Variants in SLC37A1 observed in about 807,000 individuals in gnomAD.
SLC37A1 encodes the protein solute carrier family 37 member 1.
In SLC37A1, 49 loss-of-function variants were observed where a neutral mutation model predicts 75.3. That is an observed-to-expected ratio of 0.65 (90% CI 0.52 to 0.83). SLC37A1 has a LOEUF of 0.83. SLC37A1 is among the 40% of genes least tolerant of loss of function. The pLI is 0.00. For synonymous variants in SLC37A1, 268 were observed against 292.1 expected (o/e 0.92, Z 0.84); for missense variants, 566 against 695.0 (o/e 0.81, Z 2.09).
chr21:42,509,830 T>C (rs2146682839), upstream of SLC37A1, among the ~76,000 whole-genome samples: 1 of 152,332 alleles, frequency 6.6e-6, no homozygotes, highest in South Asian at 2.1e-4. The surrounding 1 kb of genome is among the most constrained non-coding windows in gnomAD (Gnocchi z 4.2). Flanking sequence ...TTCCCTTTTC[T>C]TTCTCTCTAA....
intron 1 of SLC37A1, among the ~76,000 whole-genome samples, chr21:42,517,958 A>G (rs1464240629): frequency 1.3e-5 from 2 of 152,172 alleles, no homozygotes; most frequent in Non-Finnish European, 2.9e-5. Flanking sequence ...CTGGACACAT[A>G]CTTGGTTTTG....
At chr21:42,564,217 T>C (rs1296683318) in intron 13 of SLC37A1, among the ~76,000 whole-genome samples, 3 of 18,572 alleles carry the variant, frequency 1.6e-4, no homozygotes, top group Admixed American at 7.3e-4. Flanking sequence ...ACAAGACCCC[T>C]CTCTACAAAA....
intron 10 of SLC37A1, among the ~76,000 whole-genome samples, chr21:42,554,982 G>GGTTTTTTTTTTTTTTTTTTT (rs368777229): frequency 8.6e-6 from 1 of 116,598 alleles, no homozygotes; most frequent in Non-Finnish European, 1.8e-5. Context: ...TTGGTTGGTT[G>GGTTTTTTTTTTTTTTTTTTT]TTTTTTTTTT....
At chr21:42,563,014 G>T (rs560297797) in intron 12 of SLC37A1, among the ~76,000 whole-genome samples, 19 of 152,284 alleles carry the variant, frequency 1.2e-4, no homozygotes, top group African/African-American at 4.6e-4. Context: ...AATACCCTGG[G>T]AGGGAAGTTG....
chr21:42,557,376 T>C (rs972867855), intron 10 of SLC37A1, among the ~76,000 whole-genome samples: 1 of 152,280 alleles, frequency 6.6e-6, no homozygotes, highest in Non-Finnish European at 1.5e-5. Context: ...ATTACTGATG[T>C]AGTTTTCTAA....
intron 17 of SLC37A1, among the ~76,000 whole-genome samples, chr21:42,570,013 G>T (rs1163903539): frequency 6.6e-6 from 1 of 151,298 alleles, no homozygotes; most frequent in South Asian, 2.1e-4. Context: ...GGGCAGGGTG[G>T]CCGTTGCCAT....
At position 42,580,549 on chromosome 21, in the gene SLC37A1, C is replaced by A; in HGVS notation, c.*189C>A. 1 of 634,060 alleles carries A rather than the reference C, an allele frequency of 1.6e-6. No homozygotes were observed. The highest frequency in any genetic ancestry group is 2.7e-6 in the Non-Finnish European group (1 of 371,842). The allele number at this position is 634,060 out of a possible 1,614,324, so 39.3% of individuals were successfully genotyped here. A position where few individuals can be genotyped will look rare whatever the true frequency, so the allele number is the denominator to read the frequency against. ...ATTTTAAAGGAGACATATTGCTGAA[C>A]AGCAGTGAGAAAAGTCTGCAGGAAC... On this transcript the variant is annotated 3_prime_UTR_variant, in exon 20 of 20. Coordinates refer to ENST00000352133, the MANE Select transcript of SLC37A1 (RefSeq NM_001320537.2).
chr21:42,552,058 TGAAA>T lies in SLC37A1; in HGVS notation c.769-2001_769-1998del, dbSNP rs753667708. Among the ~76,000 whole-genome samples the T allele has an allele frequency of 2.8e-4, 43 of 152,206 alleles. No individual in the cohort carries two copies. Among genetic ancestry groups the T allele is most frequent in the Non-Finnish European group, 5.9e-5 (4 of 68,042 alleles). ...TGTTTCAAATGAATCACAATTAATA[TGAAA>T]GAGAGTATTCAATTCTTTACCATTT... On this transcript the variant is annotated intron_variant, in intron 9 of 19. Coordinates refer to ENST00000352133, the MANE Select transcript of SLC37A1 (RefSeq NM_001320537.2). This position sits in a 1 kb window ranked among gnomAD's most constrained non-coding sequence, Gnocchi z 4.2.
intron 17 of SLC37A1, among the ~76,000 whole-genome samples, chr21:42,568,714 G>T (rs1245998316): frequency 6.6e-6 from 1 of 152,186 alleles, no homozygotes; most frequent in Non-Finnish European, 1.5e-5. Context: ...GCTAACTCAG[G>T]TCCACTCATT....
At chr21:42,539,762 G>T (rs532247028) in intron 6 of SLC37A1, 115 bp downstream of exon 6, 132 of 1,075,126 alleles carry the variant, frequency 1.2e-4, no homozygotes, top group Non-Finnish European at 1.6e-4. Context: ...AGTGCGTCCT[G>T]TCGGAAGTCA....
chr21:42,523,626 C>T (rs1260307081), intron 2 of SLC37A1, among the ~76,000 whole-genome samples: 1 of 152,248 alleles, frequency 6.6e-6, no homozygotes, highest in Non-Finnish European at 1.5e-5. Flanking sequence ...GTTCTTTGGG[C>T]TTTGGGATAA....
intron 10 of SLC37A1, among the ~76,000 whole-genome samples, chr21:42,555,901 C>T (rs1313429145): frequency 1.3e-5 from 2 of 152,206 alleles, no homozygotes; most frequent in Non-Finnish European, 2.9e-5. Flanking sequence ...CCCCTTTCGG[C>T]GGGCCTGCCA....
At chr21:42,533,850 G>A (rs904766394) in intron 3 of SLC37A1, among the ~76,000 whole-genome samples, 4 of 152,306 alleles carry the variant, frequency 2.6e-5, no homozygotes, top group Middle Eastern at 3.4e-3. Context: ...ACTCCAGGGC[G>A]ATGGCTTTCC....
chr21:42,523,309 T>C (rs895876286), intron 2 of SLC37A1, among the ~76,000 whole-genome samples: 1 of 152,180 alleles, frequency 6.6e-6, no homozygotes, highest in Non-Finnish European at 1.5e-5. Context: ...AACCCTGTAC[T>C]CCAGTGAGGG....
intron 3 of SLC37A1, among the ~76,000 whole-genome samples, chr21:42,531,343 G>A (rs996817800): frequency 1.8e-5 from 2 of 112,354 alleles, no homozygotes; most frequent in African/African-American, 3.5e-5. Flanking sequence ...GTTTATTTTT[G>A]TTGCTGTTCT....
rs182098614 is a variant in SLC37A1 at position 42,574,428 on chromosome 21, T to G, written c.1424-390T>G. Among the ~76,000 whole-genome samples the G allele has an allele frequency of 4.5e-4, 68 of 152,298 alleles. No homozygotes were observed. The East Asian group carries it at 0.01, about 23-fold the overall frequency. ...GCTCTGCCTTCCCAGTACGGAGGCG[T>G]ACAGGTGGAGTATCCTTATCTGAAG... On this transcript the variant is annotated intron_variant, in intron 17 of 19. Transcript: ENST00000352133.
chr21:42,522,506 G>A (rs1359062380), intron 2 of SLC37A1, among the ~76,000 whole-genome samples: 1 of 152,124 alleles, frequency 6.6e-6, no homozygotes, highest in African/African-American at 2.4e-5. Flanking sequence ...ATAGTCACGG[G>A]AGCTGAAGTC....
intron 18 of SLC37A1, among the ~76,000 whole-genome samples, chr21:42,577,194 G>A (rs1751981559): frequency 8.3e-6 from 1 of 120,122 alleles, no homozygotes; most frequent in South Asian, 2.7e-4. Flanking sequence ...AGTCTGAGAT[G>A]CAAGGAGAAA....
chr21:42,575,998 T>C, intron 18 of SLC37A1: 1 of 974,908 alleles, frequency 1.0e-6, no homozygotes, highest in Non-Finnish European at 1.2e-6. Flanking sequence ...TGGTAATATA[T>C]ATTGAAAATT....
Sources: allele counts gnomAD v4.1 joint callset (sites outside exome capture counted in the v4.1 genomes callset), GRCh38; gene constraint gnomAD v4.1.1; non-coding constraint Gnocchi (gnomAD v3.1); transcripts MANE v1.5; gene names NCBI Gene and HGNC (gene_info 2026-07-23, HGNC 2026-07-21).